The following RAB27B variants were observed in gnomAD, a reference collection of about 807,000 sequenced individuals.
RAB27B encodes the protein ras-related protein Rab-27B.
A neutral mutation model predicts 24.6 loss-of-function variants in RAB27B; 15 were observed. The observed-to-expected ratio is 0.61, with a 90% CI of 0.41 to 0.94. The LOEUF (loss-of-function observed/expected upper bound fraction) is 0.94. Among genes scored for constraint, RAB27B ranks in the 40% least tolerant of loss-of-function variants. The pLI is 0.00. For missense variants in RAB27B, 261 were observed against 266.8 expected, an observed-to-expected ratio of 0.98 and a Z score of 0.15; for synonymous variants, 105 against 92.5, an observed-to-expected ratio of 1.14 and a Z score of -0.78.
chr18:54,853,912 C>A lies in RAB27B; in HGVS notation c.-19-23655C>A, dbSNP rs181618368. On this transcript the variant is annotated intron_variant, in intron 1 of 5. Coordinates refer to ENST00000262094, the MANE Select transcript of RAB27B (RefSeq NM_004163.4). ...TGTATTTTTTTGTGTAGCTTTTTGCCTGTGGCTTCTTTTACATCTAGAATC... is the reference window on the plus strand; with the variant it reads ...TGTATTTTTTTGTGTAGCTTTTTGCATGTGGCTTCTTTTACATCTAGAATC... 1.6e-4 allele frequency among the ~76,000 whole-genome samples: 25 copies of A among 152,116 alleles called. No homozygotes were observed. The East Asian group carries it at 4.8e-3, about 29-fold the overall frequency.
Position 54,723,784 on chromosome 18 carries a change from T to C in RAB27B, c.-20+5643T>C, listed in dbSNP as rs1048582203. On this transcript the variant is annotated intron_variant, in intron 2 of 4. Coordinates refer to the RAB27B transcript ENST00000586570. ...CTCTCCCACATTTTAATTCAGTCAATTGAGTACTTATTTAAAACACCAAAT... is the reference window on the plus strand; with the variant it reads ...CTCTCCCACATTTTAATTCAGTCAACTGAGTACTTATTTAAAACACCAAAT... 3.9e-5 allele frequency among the ~76,000 whole-genome samples: 6 copies of C among 152,214 alleles called. No individual in the cohort carries two copies. The East Asian group carries it at 5.8e-4, about 15-fold the overall frequency.
At chr18:54,757,752 T>G (rs1908053682) in intron 2 of RAB27B, among the ~76,000 whole-genome samples, 1 of 152,108 alleles carries the variant, frequency 6.6e-6, no homozygotes, top group Non-Finnish European at 1.5e-5. Context: ...TACAGGACAA[T>G]AATAGGTTTT....
At chr18:54,799,022 G>T (rs1197756798) in intron 2 of RAB27B, among the ~76,000 whole-genome samples, 1 of 152,046 alleles carries the variant, frequency 6.6e-6, no homozygotes, top group African/African-American at 2.4e-5. Flanking sequence ...AAATTTTCTG[G>T]CAATTTTAAC....
intron 2 of RAB27B, among the ~76,000 whole-genome samples, chr18:54,818,405 A>G (rs1277687876): frequency 6.6e-6 from 1 of 151,984 alleles, no homozygotes; most frequent in Non-Finnish European, 1.5e-5. Context: ...TGGTACAAGC[A>G]CCCTCAGAAT....
At chr18:54,750,964 T>G (rs1015959960) in intron 2 of RAB27B, among the ~76,000 whole-genome samples, 1 of 151,980 alleles carries the variant, frequency 6.6e-6, no homozygotes, top group African/African-American at 2.4e-5. Context: ...TTCTGGGGAA[T>G]TGAGTTCTAG....
At chr18:54,881,055 G>A (rs971161398) in intron 3 of RAB27B, among the ~76,000 whole-genome samples, 7 of 152,088 alleles carry the variant, frequency 4.6e-5, no homozygotes, top group African/African-American at 1.7e-4. Flanking sequence ...AAACTTAAAG[G>A]ATACAAGGCA....
At chr18:54,858,387 T>G (rs370566247) in intron 1 of RAB27B, among the ~76,000 whole-genome samples, 66,974 of 135,342 alleles carry the variant, frequency 0.49, 15,274 homozygotes, top group African/African-American at 0.6. Flanking sequence ...GTTTTTTTTT[T>G]TTTTTTTTTT....
intron 2 of RAB27B, among the ~76,000 whole-genome samples, chr18:54,798,873 C>T (rs909416329): frequency 1.3e-5 from 2 of 152,110 alleles, no homozygotes; most frequent in African/African-American, 4.8e-5. Context: ...TTGTCCATGT[C>T]CTAAATGTAT....
intron 1 of RAB27B, among the ~76,000 whole-genome samples, chr18:54,877,086 C>G (rs750485464): frequency 5.3e-5 from 8 of 152,128 alleles, no homozygotes; most frequent in Non-Finnish European, 1.2e-4. Flanking sequence ...TCATGCTGCT[C>G]ATGTTTTTTC....
chr18:54,819,079 A>G (rs905643985), intron 2 of RAB27B, among the ~76,000 whole-genome samples: 2 of 151,034 alleles, frequency 1.3e-5, no homozygotes, highest in African/African-American at 4.8e-5. Context: ...TACATATTTC[A>G]GAAGGAATTG....
intron 2 of RAB27B, among the ~76,000 whole-genome samples, chr18:54,777,013 G>A (rs1298541114): frequency 1.3e-5 from 2 of 151,928 alleles, no homozygotes; most frequent in Non-Finnish European, 2.9e-5. Flanking sequence ...CCACTGTATT[G>A]GGCCTGGGTG....
chr18:54,830,808 C>T (rs375098707), intron 1 of RAB27B, among the ~76,000 whole-genome samples: 1 of 152,134 alleles, frequency 6.6e-6, no homozygotes, highest in Non-Finnish European at 1.5e-5. Flanking sequence ...ATTGGCACTC[C>T]TTAAATAAGA....
At chr18:54,752,404 A>T (rs894208272) in intron 2 of RAB27B, among the ~76,000 whole-genome samples, 2 of 152,172 alleles carry the variant, frequency 1.3e-5, no homozygotes, top group East Asian at 1.9e-4. Context: ...GTAAATTTTA[A>T]AAGTCCCCCA....
intron 2 of RAB27B, among the ~76,000 whole-genome samples, chr18:54,754,758 T>C (rs558217968): frequency 5.8e-4 from 88 of 152,360 alleles, no homozygotes; most frequent in Non-Finnish European, 1.1e-3. Context: ...ACTATAATTA[T>C]CCTGAAAGCA....
chr18:54,789,329 C>T (rs564433245), intron 2 of RAB27B, among the ~76,000 whole-genome samples: 1 of 152,172 alleles, frequency 6.6e-6, no homozygotes, highest in South Asian at 2.1e-4. Flanking sequence ...CCATGGTATG[C>T]TTTTAGTCAA....
chr18:54,855,309 G>A (rs918187117), intron 1 of RAB27B, among the ~76,000 whole-genome samples: 2 of 152,178 alleles, frequency 1.3e-5, no homozygotes, highest in African/African-American at 4.8e-5. Flanking sequence ...CTCCTGCTGT[G>A]CAGCCCAGTT....
At chr18:54,819,633 T>C (rs1450915210) in intron 2 of RAB27B, among the ~76,000 whole-genome samples, 1 of 152,054 alleles carries the variant, frequency 6.6e-6, no homozygotes, top group Non-Finnish European at 1.5e-5. Context: ...ATACTTAAAG[T>C]ATAAAACTTA....
intron 2 of RAB27B, among the ~76,000 whole-genome samples, chr18:54,728,797 A>G (rs926021221): frequency 2.8e-5 from 4 of 143,048 alleles, no homozygotes; most frequent in African/African-American, 1.0e-4. Context: ...AATTGCTTTA[A>G]CCAGGGGGAC....
rs1913286397 is a variant in RAB27B, at chr18:54,889,589, G to T, written c.*176G>T. 1.8e-6 allele frequency: 1 copy of T among 570,958 alleles called. No individual in the cohort carries two copies. Among genetic ancestry groups the T allele is most frequent in the East Asian group, 3.0e-5 (1 of 32,800 alleles). 35.4% of individuals were successfully genotyped at this position (570,958 alleles called of 1,614,324 possible). ...CAACAGTGTTCAAAAGAATTGACTA[G>T]TTATCCCTGAGGCCCTTTCAAACAT... is the stretch of plus-strand genomic sequence containing the variant. On this transcript the variant is annotated 3_prime_UTR_variant, in exon 6 of 6. Transcript: ENST00000262094.
Sources: gnomAD v4.1 joint callset for allele counts (sites outside exome capture counted in the v4.1 genomes callset) on GRCh38, gnomAD v4.1.1 for gene constraint, MANE v1.5 for transcripts, NCBI Gene and HGNC (gene_info 2026-07-23, HGNC 2026-07-21) for gene names.